Variants in CEP290 observed in about 807,000 individuals in gnomAD.
CEP290 encodes centrosomal protein of 290 kDa.
In CEP290, 317 loss-of-function variants were observed where a neutral mutation model predicts 344.9. The observed-to-expected ratio is 0.92, with a 90% confidence interval of 0.84 to 1.01. The LOEUF (loss-of-function observed/expected upper bound fraction) is 1.01, where lower values mean the gene tolerates loss of function less well. Among genes scored for constraint, CEP290 ranks in the 50% least tolerant of loss-of-function variants. The pLI is 0.00. For synonymous variants in CEP290, 932 were observed against 895.8 expected (o/e 1.04, Z -0.72); for missense variants, 2,754 against 2,761.4 (o/e 1.00, Z 0.06).
chr12:88,066,473 C>T (rs66733279), intron 44 of CEP290, among the ~76,000 whole-genome samples: 392 of 4,866 alleles, frequency 0.081, 60 homozygotes, highest in East Asian at 0.31. Context: ...CTAATTGTTT[C>T]TTTTTTTTTT....
At chr12:88,055,503 A>G in intron 50 of CEP290, 73 bp downstream of exon 50, 3 of 1,351,812 alleles carry the variant, frequency 2.2e-6, no homozygotes, top group African/African-American at 1.5e-5. Context: ...TTTTATCTAT[A>G]TAAGACAATG....
chr12:88,052,865 G>C (rs1185950573), intron 52 of CEP290, among the ~76,000 whole-genome samples: 2 of 152,126 alleles, frequency 1.3e-5, no homozygotes, highest in African/African-American at 4.8e-5. Context: ...ACAGCTTCTT[G>C]CACTATGCTG....
intron 37 of CEP290, among the ~76,000 whole-genome samples, chr12:88,082,582 T>C (rs563535613): frequency 6.6e-6 from 1 of 152,232 alleles, no homozygotes; most frequent in African/African-American, 2.4e-5. Context: ...TAGTGCCAGC[T>C]ACTCTGCAGG....
chr12:88,086,581 A>G, intron 32 of CEP290, 83 bp from the exon 33 acceptor site: 1 of 907,188 alleles, frequency 1.1e-6, no homozygotes, highest in Non-Finnish European at 1.7e-6. Context: ...TTTCTTATCT[A>G]ATCCTCACAA....
At chr12:88,063,895 T>C in intron 45 of CEP290, 86 bp downstream of exon 45, 1 of 1,162,640 alleles carries the variant, frequency 8.6e-7, no homozygotes, top group Non-Finnish European at 1.2e-6. Flanking sequence ...CATTTTTGAC[T>C]TCTTAATAAG....
At chr12:88,065,821 T>A (rs531972065) in intron 44 of CEP290, among the ~76,000 whole-genome samples, 1 of 152,350 alleles carries the variant, frequency 6.6e-6, no homozygotes, top group African/African-American at 2.4e-5. Flanking sequence ...CCTTGCATTT[T>A]GAAATAATAA....
Position 88,059,856 on chromosome 12 carries a change from A to G in CEP290, c.6645+42T>C, listed in dbSNP as rs1053276840. On this transcript the variant is annotated intron_variant, in intron 48 of 53. Coordinates refer to ENST00000552810, the MANE Select transcript of CEP290 (RefSeq NM_025114.4). ...CCAGTTTTTCCAAGAGGTATTAAGT[A>G]AAATAAAAATCAAAAGTTATAATCA... The G allele has an allele frequency of 2.0e-6, 3 of 1,503,970 alleles. No homozygotes were observed. In the African/African-American group the frequency reaches 4.2e-5, roughly 21 times the overall value. The allele number at this position is 1,503,970 out of a possible 1,614,324, so 93.2% of individuals were successfully genotyped here. A position where few individuals can be genotyped will look rare whatever the true frequency, so the allele number is the denominator to read the frequency against.
In CEP290 at chr12:88,125,338, A is replaced by G. The variant is rs756538253; in HGVS notation, c.1097T>C (p.Met366Thr). Residue 366 changes from methionine to threonine, a missense_variant, in exon 13 of 54, where the codon ATG becomes ACG. Physicochemically the swap from Met to Thr is moderately conservative, Grantham distance 81. Coordinates refer to ENST00000552810, the MANE Select transcript of CEP290 (RefSeq NM_025114.4). The stretch of plus-strand genomic sequence containing the variant: ...ATATTGTTCTACTTGTTCGGTGAGC[A>G]TCTTAATTTGACTGTCTCGTTCCTG... ...GIQERDSQIK[M>T]LTEQVEQYTK... The G allele has an allele frequency of 1.5e-6, 2 of 1,319,688 alleles. No homozygotes were observed. Among genetic ancestry groups the G allele is most frequent in the Non-Finnish European group, 2.0e-6 (2 of 1,005,872 alleles). The allele number at this position is 1,319,688 out of a possible 1,614,324, so 81.7% of individuals were successfully genotyped here. A position where few individuals can be genotyped will look rare whatever the true frequency, so the allele number is the denominator to read the frequency against.
intron 44 of CEP290, among the ~76,000 whole-genome samples, chr12:88,065,079 T>C (rs1045768259): frequency 2.6e-5 from 4 of 152,138 alleles, no homozygotes; most frequent in South Asian, 2.1e-4. Flanking sequence ...TGCTTAATTA[T>C]ATTTTTCTAT....
At chr12:88,082,548 C>T (rs2036271476) in intron 37 of CEP290, among the ~76,000 whole-genome samples, 1 of 151,960 alleles carries the variant, frequency 6.6e-6, no homozygotes, top group South Asian at 2.1e-4. Flanking sequence ...AAAAAAACTA[C>T]CCAGGTGTGG....
chr12:88,118,810 C>A, intron 15 of CEP290, 67 bp from the exon 16 acceptor site: 2 of 1,075,732 alleles, frequency 1.9e-6, no homozygotes, highest in African/African-American at 3.2e-5. Context: ...ATGTCATATA[C>A]CATCAAGCAA....
At chr12:88,068,741 GTGTT>G in intron 43 of CEP290, 96 bp from the exon 44 acceptor site, 1 of 1,249,098 alleles carries the variant, frequency 8.0e-7, no homozygotes, top group Non-Finnish European at 1.1e-6. Flanking sequence ...AAAGTTCAGT[GTGTT>G]TATTAACACT....
In CEP290 at chr12:88,054,289, A is replaced by AT. The variant is rs201140440; in HGVS notation, c.7034+50dup. 0.025 allele frequency: 28,786 copies of AT among 1,151,062 alleles called. 329 individuals are homozygous for AT. Among genetic ancestry groups the AT allele is most frequent in the African/African-American group, 0.078 (4,852 of 62,398 alleles). The allele number at this position is 1,151,062 out of a possible 1,614,324, so 71.3% of individuals were successfully genotyped here. A position where few individuals can be genotyped will look rare whatever the true frequency, so the allele number is the denominator to read the frequency against. On this transcript the variant is annotated intron_variant, in intron 51 of 53. Transcript: ENST00000552810. The stretch of plus-strand genomic sequence containing the variant: ...AATTCGGAGTATATAAAAACTAATA[A>AT]TTTTTTTTTTAAAGAAAAAAACAAA...
chr12:88,094,032 A>G (rs556111053), intron 27 of CEP290, 57 bp from the exon 28 acceptor site: 1 of 1,262,102 alleles, frequency 7.9e-7, no homozygotes, highest in Non-Finnish European at 1.1e-6. Flanking sequence ...ATTACCTCAG[A>G]TATTTTAGAT....
intron 37 of CEP290, among the ~76,000 whole-genome samples, chr12:88,082,475 T>G (rs981438116): frequency 1.3e-5 from 2 of 152,066 alleles, no homozygotes; most frequent in African/African-American, 4.8e-5. Context: ...GGCGGATCAC[T>G]TGAGCTCACG....
intron 30 of CEP290, among the ~76,000 whole-genome samples, chr12:88,090,024 T>C (rs1315770482): frequency 1.3e-5 from 2 of 152,034 alleles, no homozygotes; most frequent in African/African-American, 2.4e-5. Context: ...CATGCCTGAC[T>C]GTTACAGTTT....
intron 10 of CEP290, 45 bp downstream of exon 10, chr12:88,129,649 A>C: frequency 9.1e-7 from 1 of 1,104,190 alleles, no homozygotes; most frequent in Non-Finnish European, 1.3e-6. Context: ...GTAATGAGAT[A>C]ATATGAAGTC....
intron 6 of CEP290, chr12:88,135,957 A>C (rs1489635166): frequency 6.6e-6 from 1 of 152,144 alleles, no homozygotes; most frequent in Non-Finnish European, 1.5e-5. Flanking sequence ...GCTGAGGTAA[A>C]ATAGGAAATT....
intron 18 of CEP290, 53 bp from the exon 19 acceptor site, chr12:88,115,235 T>C: frequency 2.1e-6 from 2 of 971,330 alleles, no homozygotes; most frequent in South Asian, 3.1e-5. Context: ...ATATCACAAG[T>C]CTATAATTTT....
Sources: gnomAD v4.1 joint callset for allele counts (sites outside exome capture counted in the v4.1 genomes callset) on GRCh38, gnomAD v4.1.1 for gene constraint, MANE v1.5 for transcripts, NCBI Gene and HGNC (gene_info 2026-07-23, HGNC 2026-07-21) for gene names.